The following LRRIQ3 variants were observed in gnomAD, a reference collection of about 807,000 sequenced individuals.
The protein encoded by LRRIQ3 is leucine rich repeats and IQ motif containing 3, also known as leucine-rich repeat and IQ domain-containing protein 3.
LRRIQ3 carries 75 observed loss-of-function variants against 59.3 expected under a neutral mutation model. The ratio of observed to expected loss-of-function variants is 1.26; its 90% CI spans 1.05 to 1.53. The LOEUF (loss-of-function observed/expected upper bound fraction) is 1.53, where lower values mean the gene tolerates loss of function less well. LRRIQ3 is among the 40% of genes most tolerant of loss of function. The probability of loss-of-function intolerance (pLI) is 0.00; values close to 1 mark genes in which losing one functional copy is unlikely to be tolerated. For synonymous variants in LRRIQ3, 250 were observed against 231.3 expected (o/e 1.08, Z -0.73); for missense variants, 831 against 710.0 (o/e 1.17, Z -1.94).
intron 4 of LRRIQ3, among the ~76,000 whole-genome samples, chr1:74,121,753 G>A (rs537797517): frequency 6.3e-5 from 7 of 110,266 alleles, no homozygotes; most frequent in African/African-American, 2.6e-4. Context: ...CCCACAACAG[G>A]CCCCAGTGTG....
intron 3 of LRRIQ3, among the ~76,000 whole-genome samples, chr1:74,161,881 G>T (rs1022231359): frequency 8.6e-5 from 13 of 151,760 alleles, no homozygotes; most frequent in Admixed American, 1.3e-4. Context: ...TTTTACAAAT[G>T]CCATAAACCA....
chr1:74,057,520 T>C (rs1276189240), intron 6 of LRRIQ3, among the ~76,000 whole-genome samples: 2 of 152,108 alleles, frequency 1.3e-5, no homozygotes, highest in East Asian at 3.9e-4. Context: ...TAATAAATGG[T>C]GCTGCAAACA....
chr1:74,067,797 G>T (rs530947175), intron 6 of LRRIQ3, among the ~76,000 whole-genome samples: 2 of 151,908 alleles, frequency 1.3e-5, no homozygotes, highest in African/African-American at 2.4e-5. Flanking sequence ...TTAAGTTTGC[G>T]CCCTTGTCTA....
intron 3 of LRRIQ3, chr1:74,180,532 C>A (rs921382232): frequency 3.1e-4 from 161 of 513,656 alleles, no homozygotes; most frequent in Admixed American, 1.1e-3. Context: ...TTAAGTGCTG[C>A]CATTTCTGTT....
chr1:74,031,561 A>G (rs2100359825), intron 7 of LRRIQ3, among the ~76,000 whole-genome samples: 1 of 146,500 alleles, frequency 6.8e-6, no homozygotes, highest in East Asian at 2.2e-4. Context: ...GAATTGAACA[A>G]TGAGAACACT....
rs945346467 is a variant in LRRIQ3, at chr1:74,180,626, C to T, written c.573+1912G>A. The T allele has an allele frequency of 9.1e-6, 11 of 1,215,104 alleles. No homozygotes were observed. In the African/African-American group the frequency reaches 1.5e-4, roughly 17 times the overall value. 75.3% of individuals were successfully genotyped at this position (1,215,104 alleles called of 1,614,324 possible). On this transcript the variant is annotated intron_variant, in intron 3 of 7. Coordinates refer to ENST00000354431, the MANE Select transcript of LRRIQ3 (RefSeq NM_001105659.2). ...CACTTATTCTTCTCCTCTTTCCACA[C>T]TCAGTGTGAAAAGTACACTCAAATC...
At chr1:74,049,933 T>C (rs1422979654) in intron 6 of LRRIQ3, among the ~76,000 whole-genome samples, 1 of 149,480 alleles carries the variant, frequency 6.7e-6, no homozygotes, top group East Asian at 1.9e-4. Flanking sequence ...TTCTTTTTTT[T>C]TTTTTTTTGA....
At chr1:74,056,674 T>C (rs1001532650) in intron 6 of LRRIQ3, among the ~76,000 whole-genome samples, 5 of 152,132 alleles carry the variant, frequency 3.3e-5, no homozygotes, top group African/African-American at 1.2e-4. Flanking sequence ...AAAATATTTA[T>C]ATAACATAAA....
At chr1:74,092,891 T>G (rs1570099913) in intron 5 of LRRIQ3, among the ~76,000 whole-genome samples, 1 of 151,900 alleles carries the variant, frequency 6.6e-6, no homozygotes, top group East Asian at 1.9e-4. Flanking sequence ...AAAGATGAGA[T>G]TAAGAATTTT....
chr1:74,100,463 A>G (rs1292448346), intron 5 of LRRIQ3, among the ~76,000 whole-genome samples: 2 of 152,118 alleles, frequency 1.3e-5, no homozygotes, highest in Admixed American at 6.6e-5. Context: ...AATCAATATC[A>G]TGAAAATGGC....
chr1:74,190,769 C>T (rs1650712896), intron 1 of LRRIQ3, among the ~76,000 whole-genome samples: 1 of 151,300 alleles, frequency 6.6e-6, no homozygotes, highest in Admixed American at 6.6e-5. Flanking sequence ...TTGGAAAAAG[C>T]CAAAGAATTT....
At chr1:74,044,704 T>G (rs1654149657) in intron 6 of LRRIQ3, among the ~76,000 whole-genome samples, 1 of 151,750 alleles carries the variant, frequency 6.6e-6, no homozygotes, top group Admixed American at 6.6e-5. Flanking sequence ...ATCAACAAAA[T>G]AGACCACTAG....
chr1:74,071,814 G>C (rs1655036629), intron 6 of LRRIQ3, among the ~76,000 whole-genome samples: 1 of 152,048 alleles, frequency 6.6e-6, no homozygotes, highest in African/African-American at 2.4e-5. Context: ...GACTCTCTGG[G>C]GCCAAACTGG....
At chr1:74,187,379 C>T (rs532831043) in intron 1 of LRRIQ3, among the ~76,000 whole-genome samples, 1 of 151,574 alleles carries the variant, frequency 6.6e-6, no homozygotes, top group South Asian at 2.1e-4. Flanking sequence ...CACACACACA[C>T]ACACCATGGA....
intron 4 of LRRIQ3, 108 bp from the exon 5 acceptor site, chr1:74,109,661 A>T: frequency 1.2e-6 from 1 of 823,910 alleles, no homozygotes; most frequent in East Asian, 2.9e-5. Context: ...GTTAAATTGA[A>T]TGTAATAATA....
intron 1 of LRRIQ3, among the ~76,000 whole-genome samples, chr1:74,188,182 C>G (rs1291124567): frequency 6.6e-6 from 1 of 152,074 alleles, no homozygotes; most frequent in Non-Finnish European, 1.5e-5. Flanking sequence ...AAACCAAATA[C>G]TGCATTTTCT....
At position 74,085,743 on chromosome 1, in the gene LRRIQ3, G is replaced by A. The variant is rs1024599107; in HGVS notation, c.868-10953C>T. On this transcript the variant is annotated intron_variant, in intron 5 of 7. Coordinates refer to ENST00000354431, the MANE Select transcript of LRRIQ3 (RefSeq NM_001105659.2). ...CCTACTTTAAGATAGCATAATTGTAGAAAGAAGGCAGTGTGCTGGAATGGA... is the reference window on the plus strand; with the variant it reads ...CCTACTTTAAGATAGCATAATTGTAAAAAGAAGGCAGTGTGCTGGAATGGA... 2.0e-5 allele frequency among the ~76,000 whole-genome samples: 3 copies of A among 152,002 alleles called. No individual in the cohort carries two copies. The South Asian group carries it at 6.2e-4, about 31-fold the overall frequency.
At position 74,109,498 on chromosome 1, in the gene LRRIQ3, C is replaced by T. The variant is rs1340472; in HGVS notation, c.763G>A (p.Ala255Thr). ...CCTTTGGTTATGTAAATCCATTTTG[C>T]TTCATATCCTCTAATAATTTTTTCC... ...QQEKIIRGYEAKWIYITKGYE... is the reference protein window; with the variant it reads ...QQEKIIRGYETKWIYITKGYE... Residue 255 changes from alanine to threonine, a missense_variant, in exon 5 of 8, where the codon GCA (alanine) becomes ACA (threonine). Coordinates refer to ENST00000354431, the MANE Select transcript of LRRIQ3 (RefSeq NM_001105659.2). 1,418,666 of 1,569,530 alleles carry T rather than the reference C, an allele frequency of 0.9. 646,391 individuals carry two copies. The highest frequency in any genetic ancestry group is 0.97 in the East Asian group (41,470 of 42,928).
chr1:74,098,454 G>GT (rs1457211206), intron 5 of LRRIQ3, among the ~76,000 whole-genome samples: 4 of 152,006 alleles, frequency 2.6e-5, no homozygotes, highest in Non-Finnish European at 4.4e-5. Flanking sequence ...CAAAAATAAT[G>GT]TGAGACTTTA....
Sources: allele counts gnomAD v4.1 joint callset (sites outside exome capture counted in the v4.1 genomes callset), GRCh38; gene constraint gnomAD v4.1.1; transcripts MANE v1.5; gene names NCBI Gene and HGNC (gene_info 2026-07-23, HGNC 2026-07-21).